Variants in CWC27 observed in about 807,000 individuals in gnomAD.
CWC27 encodes the protein CWC27 spliceosome associated cyclophilin, also known as spliceosome-associated protein CWC27 homolog.
A neutral mutation model predicts 63.6 loss-of-function variants in CWC27; 47 were observed. The observed-to-expected ratio is 0.74, with a 90% confidence interval of 0.58 to 0.94. CWC27 has a LOEUF of 0.94. CWC27 is among the 40% of genes least tolerant of loss of function. The pLI is 0.00. For synonymous variants in CWC27, 175 were observed against 179.8 expected, an observed-to-expected ratio of 0.97 and a Z score of 0.22; for missense variants, 495 against 554.3, an observed-to-expected ratio of 0.89 and a Z score of 1.07.
chr5:64,939,018 TG>T (rs1239739311), intron 11 of CWC27, among the ~76,000 whole-genome samples: 1 of 152,170 alleles, frequency 6.6e-6, no homozygotes, highest in Non-Finnish European at 1.5e-5. Context: ...AACCTTTTTG[TG>T]AAGTTCTTAG....
intron 10 of CWC27, among the ~76,000 whole-genome samples, chr5:64,879,388 A>G (rs901160896): frequency 1.3e-5 from 2 of 151,976 alleles, no homozygotes; most frequent in African/African-American, 4.8e-5. Flanking sequence ...GGGTGCATTA[A>G]GACAGAGAGA....
intron 10 of CWC27, among the ~76,000 whole-genome samples, chr5:64,883,776 G>T (rs1747001693): frequency 6.6e-6 from 1 of 152,166 alleles, no homozygotes; most frequent in South Asian, 2.1e-4. Context: ...TTTCAAGAAT[G>T]GAGTCCATTT....
intron 1 of CWC27, chr5:64,773,808 T>C (rs1743345572): frequency 6.6e-6 from 1 of 152,224 alleles, no homozygotes; most frequent in African/African-American, 2.4e-5. Context: ...GGAGGGGTTC[T>C]AGTTGCAAAG....
chr5:64,981,586 A>C (rs1258615485), intron 13 of CWC27, among the ~76,000 whole-genome samples: 1 of 152,206 alleles, frequency 6.6e-6, no homozygotes, highest in Non-Finnish European at 1.5e-5. Flanking sequence ...CAGTAAGTAC[A>C]CATGTTGACT....
intron 10 of CWC27, chr5:64,807,779 C>T (rs1213039045): frequency 1.3e-6 from 2 of 1,535,664 alleles, no homozygotes; most frequent in East Asian, 4.9e-5. Context: ...CAACGGATCA[C>T]CTGGCTGCTT....
chr5:64,813,333 A>G (rs571413722), intron 10 of CWC27, among the ~76,000 whole-genome samples: 261 of 152,300 alleles, frequency 1.7e-3, no homozygotes, highest in Non-Finnish European at 1.7e-3. Context: ...TAAAGTGCCT[A>G]TTCAGTTCAT....
intron 10 of CWC27, among the ~76,000 whole-genome samples, chr5:64,876,780 G>A (rs1258030391): frequency 6.6e-6 from 1 of 151,880 alleles, no homozygotes; most frequent in Non-Finnish European, 1.5e-5. Flanking sequence ...CCTAGAAACT[G>A]GAGAAAATGA....
chr5:64,922,007 G>T (rs1285660901), intron 11 of CWC27, among the ~76,000 whole-genome samples: 1 of 152,162 alleles, frequency 6.6e-6, no homozygotes, highest in Admixed American at 6.5e-5. Flanking sequence ...TGGCCTGTAA[G>T]GTTTCTGCTG....
At chr5:64,825,815 T>G (rs1473442881) in intron 10 of CWC27, among the ~76,000 whole-genome samples, 1 of 152,198 alleles carries the variant, frequency 6.6e-6, no homozygotes, top group Non-Finnish European at 1.5e-5. Context: ...GAAGTTATTT[T>G]GTAGTTGTGA....
chr5:64,957,207 G>A (rs913925595), intron 11 of CWC27, among the ~76,000 whole-genome samples: 2 of 152,030 alleles, frequency 1.3e-5, no homozygotes, highest in East Asian at 1.9e-4. Flanking sequence ...TGCTTAATTC[G>A]CCTTGGGCAA....
intron 10 of CWC27, among the ~76,000 whole-genome samples, chr5:64,883,597 A>C (rs1341674108): frequency 6.6e-6 from 1 of 152,194 alleles, no homozygotes; most frequent in East Asian, 1.9e-4. Flanking sequence ...AGAAGGAAGG[A>C]ATAATTAACA....
chr5:65,014,485 T>A (rs1156336859), intron 13 of CWC27, among the ~76,000 whole-genome samples: 1 of 151,986 alleles, frequency 6.6e-6, no homozygotes, highest in African/African-American at 2.4e-5. Context: ...TGTCTTTGCC[T>A]TCAAGTGAAC....
chr5:64,980,732 GA>G (rs530119453), intron 13 of CWC27, among the ~76,000 whole-genome samples: 187 of 152,060 alleles, frequency 1.2e-3, no homozygotes, highest in African/African-American at 4.3e-3. Flanking sequence ...ATAAAAATTT[GA>G]AAAAATACCA....
At chr5:64,807,601 C>T (rs1475598637) in intron 10 of CWC27, 7 of 1,526,886 alleles carry the variant, frequency 4.6e-6, no homozygotes, top group South Asian at 3.6e-5. Context: ...CTTTCCAGCC[C>T]ACCTTCTCTA....
chr5:64,774,885 T>G, intron 2 of CWC27, 98 bp downstream of exon 2: 1 of 688,804 alleles, frequency 1.5e-6, no homozygotes, highest in Non-Finnish European at 2.5e-6. Flanking sequence ...TAAATAGTGG[T>G]CATGAATGAC....
intron 10 of CWC27, among the ~76,000 whole-genome samples, chr5:64,878,046 A>G (rs781264595): frequency 6.6e-6 from 1 of 151,978 alleles, no homozygotes; most frequent in African/African-American, 2.4e-5. Context: ...TTTTACACTT[A>G]TAATTTTGAT....
chr5:64,958,312 G>A (rs1414664232), intron 11 of CWC27, among the ~76,000 whole-genome samples: 1 of 152,148 alleles, frequency 6.6e-6, no homozygotes, highest in Non-Finnish European at 1.5e-5. Context: ...ATGGTAGTGT[G>A]TGTAGAAACG....
chr5:64,789,727 G>T lies in CWC27; in HGVS notation c.669+707G>T, dbSNP rs117595636. Among the ~76,000 whole-genome samples the T allele has an allele frequency of 1.1e-3, 173 of 152,192 alleles. 3 individuals carry two copies. In the East Asian group the frequency reaches 0.012, roughly 11 times the overall value. On this transcript the variant is annotated intron_variant, in intron 7 of 13. Transcript: ENST00000381070. ...CATTGTTTAGAGCAGTAATTCTGGT[G>T]TGTATACTACAAGAAAACTGTCTTC...
At chr5:64,996,227 C>G (rs1407387746) in intron 13 of CWC27, among the ~76,000 whole-genome samples, 3 of 151,976 alleles carry the variant, frequency 2.0e-5, no homozygotes, top group Non-Finnish European at 4.4e-5. Context: ...GGTATGTATC[C>G]CCAGGACATC....
Sources: allele counts gnomAD v4.1 joint callset (sites outside exome capture counted in the v4.1 genomes callset), GRCh38; gene constraint gnomAD v4.1.1; transcripts MANE v1.5; gene names NCBI Gene and HGNC (gene_info 2026-07-23, HGNC 2026-07-21).